Variants in DUSP10 observed in about 807,000 individuals in gnomAD.
DUSP10 encodes dual specificity phosphatase 10, also known as dual specificity protein phosphatase 10.
In DUSP10, 14 loss-of-function variants were observed where a neutral mutation model predicts 30.8. The ratio of observed to expected loss-of-function variants is 0.46; its 90% CI spans 0.30 to 0.71. The LOEUF is 0.71. Ranked by LOEUF, DUSP10 falls within the 30% of genes least tolerant of loss-of-function variation. DUSP10 has a pLI of 0.08. For synonymous variants in DUSP10, 254 were observed against 250.4 expected, an observed-to-expected ratio of 1.01 and a Z score of -0.14; for missense variants, 550 against 619.4, an observed-to-expected ratio of 0.89 and a Z score of 1.19.
At chr1:221,714,223 T>A (rs1661025788) in intron 2 of DUSP10, among the ~76,000 whole-genome samples, 1 of 152,192 alleles carries the variant, frequency 6.6e-6, no homozygotes, top group Admixed American at 6.5e-5. Context: ...AACTTTGGTA[T>A]CATAGTGATA....
At chr1:221,738,107 G>C (rs1661834603) in intron 2 of DUSP10, among the ~76,000 whole-genome samples, 1 of 152,202 alleles carries the variant, frequency 6.6e-6, no homozygotes, top group Admixed American at 6.5e-5. Context: ...ACTTGGAAAG[G>C]TTAGGCAACA....
chr1:221,729,361 C>G (rs1661512019), intron 2 of DUSP10, among the ~76,000 whole-genome samples: 1 of 152,126 alleles, frequency 6.6e-6, no homozygotes, highest in African/African-American at 2.4e-5. Flanking sequence ...ATAACTAAGG[C>G]ACCACAGAGG....
chr1:221,737,405 G>A (rs1661810422), intron 2 of DUSP10: 2 of 985,140 alleles, frequency 2.0e-6, no homozygotes, highest in Non-Finnish European at 2.4e-6. Flanking sequence ...TCAAGATTAT[G>A]GTAAGACAAT....
At chr1:221,720,162 C>G (rs1323832750) in intron 2 of DUSP10, among the ~76,000 whole-genome samples, 2 of 152,170 alleles carry the variant, frequency 1.3e-5, no homozygotes. Flanking sequence ...CCCCTGGAAT[C>G]TCTGAAGTTA....
At chr1:221,717,526 T>C (rs1268218300) in intron 2 of DUSP10, among the ~76,000 whole-genome samples, 1 of 152,142 alleles carries the variant, frequency 6.6e-6, no homozygotes, top group African/African-American at 2.4e-5. Context: ...CTCCAAATCC[T>C]GGGCAAAATT....
chr1:221,722,955 A>G (rs1176005377), intron 2 of DUSP10, among the ~76,000 whole-genome samples: 2 of 152,134 alleles, frequency 1.3e-5, no homozygotes, highest in Non-Finnish European at 2.9e-5. Flanking sequence ...GTAATAGGAC[A>G]TACCACAAAA....
intron 1 of DUSP10, among the ~76,000 whole-genome samples, chr1:221,741,116 C>A (rs4601596): frequency 6.6e-6 from 1 of 152,018 alleles, no homozygotes; most frequent in African/African-American, 2.4e-5. Flanking sequence ...CGCGCGCACA[C>A]GGGGCACGCA....
At chr1:221,718,214 A>T (rs1447795824) in intron 2 of DUSP10, among the ~76,000 whole-genome samples, 2 of 152,164 alleles carry the variant, frequency 1.3e-5, no homozygotes, top group African/African-American at 4.8e-5. Context: ...TCCATGAACC[A>T]GCTACATGCA....
intron 2 of DUSP10, among the ~76,000 whole-genome samples, chr1:221,728,146 C>A (rs182529155): frequency 5.4e-4 from 82 of 152,316 alleles, no homozygotes; most frequent in African/African-American, 1.9e-3. Flanking sequence ...CATGGGCTGA[C>A]CTTGCCAGAT....
intron 2 of DUSP10, among the ~76,000 whole-genome samples, chr1:221,714,835 A>G (rs1343567002): frequency 6.6e-6 from 1 of 152,176 alleles, no homozygotes; most frequent in African/African-American, 2.4e-5. Context: ...AACCCAGACA[A>G]GGTAGCCACT....
chr1:221,732,579 C>T (rs1661647282), intron 2 of DUSP10, among the ~76,000 whole-genome samples: 1 of 152,226 alleles, frequency 6.6e-6, no homozygotes, highest in Admixed American at 6.5e-5. Context: ...ACGAATACCT[C>T]AGTCTGTTGA....
In DUSP10 at chr1:221,706,756, G is replaced by C. The variant is rs191352927; in HGVS notation, c.812-290C>G. On this transcript the variant is annotated intron_variant, in intron 2 of 3. Coordinates refer to ENST00000366899, the MANE Select transcript of DUSP10 (RefSeq NM_007207.6). This position sits in a 1 kb window ranked among gnomAD's most constrained non-coding sequence, Gnocchi z 4.6. Reference sequence around the variant, plus strand: ...TGTTCCCCTAGCAAGAGTTCCACGCGGCATCAGGCAATCTTCCTCAGCTGC... The same window carrying C: ...TGTTCCCCTAGCAAGAGTTCCACGCCGCATCAGGCAATCTTCCTCAGCTGC... Among the ~76,000 whole-genome samples the C allele has an allele frequency of 3.3e-5, 5 of 152,048 alleles. No homozygotes were observed. The highest frequency in any genetic ancestry group is 9.7e-5 in the African/African-American group (4 of 41,386).
intron 2 of DUSP10, among the ~76,000 whole-genome samples, chr1:221,723,260 A>C (rs1221620803): frequency 6.6e-6 from 1 of 152,202 alleles, no homozygotes; most frequent in Non-Finnish European, 1.5e-5. Flanking sequence ...GCAGTTGCTC[A>C]AAGATTGAGT....
At chr1:221,703,864 GA>G (rs891623269) in intron 3 of DUSP10, among the ~76,000 whole-genome samples, 23 of 151,510 alleles carry the variant, frequency 1.5e-4, no homozygotes, top group African/African-American at 5.3e-4. Flanking sequence ...GTGGACCAAG[GA>G]AAAAAAACCT....
Position 221,702,319 on chromosome 1 carries a change from C to G in DUSP10, c.*93G>C. On this transcript the variant is annotated 3_prime_UTR_variant, in exon 4 of 4. Transcript: ENST00000366899. The surrounding 1 kb of genome is among the most constrained non-coding windows in gnomAD (Gnocchi z 4.5). ...CCATTCACAAACTTACTCCCAACTA[C>G]AAAAAAAAAAAGAAAGAAAAAAAAC... The G allele has an allele frequency of 9.0e-7, 1 of 1,111,396 alleles. No individual in the cohort carries two copies. The highest frequency in any genetic ancestry group is 1.2e-6 in the Non-Finnish European group (1 of 821,156). The allele number at this position is 1,111,396 out of a possible 1,614,324, so 68.8% of individuals were successfully genotyped here.
chr1:221,722,360 C>T (rs918483288), intron 2 of DUSP10, among the ~76,000 whole-genome samples: 11 of 152,126 alleles, frequency 7.2e-5, no homozygotes, highest in African/African-American at 2.4e-4. Context: ...GATGAATTTG[C>T]TCTCCCCCTC....
At chr1:221,725,848 C>A (rs901545334) in intron 2 of DUSP10, among the ~76,000 whole-genome samples, 2 of 152,228 alleles carry the variant, frequency 1.3e-5, no homozygotes, top group African/African-American at 4.8e-5. Flanking sequence ...TTGTCCCTTT[C>A]AGAGTGTTTT....
intron 2 of DUSP10, among the ~76,000 whole-genome samples, chr1:221,721,198 G>C (rs2102633910): frequency 6.6e-6 from 1 of 152,218 alleles, no homozygotes; most frequent in East Asian, 1.9e-4. Context: ...TATATAGTAA[G>C]TGCTCATTAA....
intron 2 of DUSP10, among the ~76,000 whole-genome samples, chr1:221,730,463 C>T (rs12116804): frequency 0.036 from 5,494 of 152,182 alleles, 135 homozygotes; most frequent in Admixed American, 0.083. Flanking sequence ...AGCAAAATCC[C>T]GTTGTGGAAG....
Sources: gnomAD v4.1 joint callset for allele counts (sites outside exome capture counted in the v4.1 genomes callset) on GRCh38, gnomAD v4.1.1 for gene constraint, Gnocchi (gnomAD v3.1) non-coding constraint, MANE v1.5 for transcripts, NCBI Gene and HGNC (gene_info 2026-07-23, HGNC 2026-07-21) for gene names.